Variants in EDEM1 observed in about 807,000 individuals in gnomAD.
EDEM1 encodes the protein ER degradation-enhancing alpha-mannosidase-like protein 1.
In EDEM1, 67 loss-of-function variants were observed where a neutral mutation model predicts 74.4. The ratio of observed to expected loss-of-function variants is 0.90; its 90% CI spans 0.74 to 1.10. EDEM1 has a LOEUF of 1.10. EDEM1 is among the 50% of genes least tolerant of loss of function. The pLI is 0.00. For missense variants in EDEM1, 926 were observed against 851.6 expected (o/e 1.09, Z -1.09); for synonymous variants, 382 against 335.9 (o/e 1.14, Z -1.50).
chr3:5,193,980 GAGACA>G (rs984824918), intron 1 of EDEM1, among the ~76,000 whole-genome samples: 20 of 152,360 alleles, frequency 1.3e-4, no homozygotes, highest in African/African-American at 4.6e-4. Flanking sequence ...CAAATAAAAT[GAGACA>G]TTGGAGCTGT....
intron 2 of EDEM1, among the ~76,000 whole-genome samples, chr3:5,196,802 T>C (rs1348548794): frequency 1.3e-5 from 2 of 152,212 alleles, no homozygotes; most frequent in African/African-American, 4.8e-5. Flanking sequence ...TTGTTGATGA[T>C]ACCAGAGGCT....
intron 2 of EDEM1, among the ~76,000 whole-genome samples, chr3:5,198,041 A>AT (rs921499742): frequency 1.3e-5 from 2 of 150,924 alleles, no homozygotes; most frequent in African/African-American, 4.9e-5. Context: ...AAATGGTTAC[A>AT]TTTTTTTTGT....
At position 5,218,163 on chromosome 3, in the gene EDEM1, C is replaced by T. The variant is rs1243881233; in HGVS notation, c.*2245C>T. The stretch of plus-strand genomic sequence containing the variant: ...TCAGGAAACGTGTTTTATGTTAAGT[C>T]ACAAACCCACTTGACTTCTGGGTAC... On this transcript the variant is annotated 3_prime_UTR_variant, in exon 12 of 12. Transcript: ENST00000256497. The T allele has an allele frequency of 1.3e-5, 2 of 152,128 alleles. No homozygotes were observed. Among genetic ancestry groups the T allele is most frequent in the Admixed American group, 6.5e-5 (1 of 15,276 alleles). 9.4% of individuals were successfully genotyped at this position (152,128 alleles called of 1,614,324 possible). A position where few individuals can be genotyped will look rare whatever the true frequency, so the allele number is the denominator to read the frequency against.
chr3:5,198,661 G>A lies in EDEM1; in HGVS notation c.583-931G>A, dbSNP rs1471715818. Among the ~76,000 whole-genome samples the A allele has an allele frequency of 1.1e-4, 11 of 101,610 alleles. 1 individual carries two copies. In the East Asian group the frequency reaches 2.1e-3, roughly 20 times the overall value. The allele number at this position is 101,610 out of a possible 152,430, so 66.7% of individuals were successfully genotyped here. ...AGGTAAATTGTAAGGGACGTATATA[G>A]CTTTTTTTTTTTTTTTTTTTTTTGA... On this transcript the variant is annotated intron_variant, in intron 2 of 11. Coordinates refer to ENST00000256497, the MANE Select transcript of EDEM1 (RefSeq NM_014674.3).
chr3:5,203,268 G>A (rs1361085596), intron 5 of EDEM1, 119 bp downstream of exon 5: 4 of 1,052,302 alleles, frequency 3.8e-6, no homozygotes, highest in Non-Finnish European at 5.3e-6. Context: ...AGCAAGAATT[G>A]TGTCAGCTCT....
At chr3:5,194,320 G>A (rs992877834) in intron 1 of EDEM1, among the ~76,000 whole-genome samples, 8 of 152,086 alleles carry the variant, frequency 5.3e-5, no homozygotes, top group African/African-American at 7.2e-5. Flanking sequence ...GGATTTTTGG[G>A]AATGGGACAA....
At chr3:5,198,089 G>A (rs1233164848) in intron 2 of EDEM1, among the ~76,000 whole-genome samples, 1 of 152,000 alleles carries the variant, frequency 6.6e-6, no homozygotes, top group African/African-American at 2.4e-5. Flanking sequence ...GTGTTGCCCA[G>A]GCTGGAGTGC....
chr3:5,193,787 A>G (rs1189846669), intron 1 of EDEM1, among the ~76,000 whole-genome samples: 2 of 152,180 alleles, frequency 1.3e-5, no homozygotes, highest in South Asian at 2.1e-4. Flanking sequence ...TAGTAGAGAC[A>G]GGGTCTTGCC....
chr3:5,210,151 C>A (rs756693328), intron 8 of EDEM1, 24 bp from the exon 9 acceptor site: 1 of 1,601,840 alleles, frequency 6.2e-7, no homozygotes, highest in Non-Finnish European at 8.6e-7. Context: ...CATGCTGGAT[C>A]ACATTCTCTC....
At chr3:5,208,912 A>T (rs1158541915) in intron 8 of EDEM1, among the ~76,000 whole-genome samples, 1 of 152,070 alleles carries the variant, frequency 6.6e-6, no homozygotes, top group Non-Finnish European at 1.5e-5. Context: ...TGTGTATGCC[A>T]TACATATATA....
rs569941341 is a variant in EDEM1 at position 5,210,157 on chromosome 3, C to G, written c.1510-18C>G. The G allele has an allele frequency of 2.5e-6, 4 of 1,609,522 alleles. No homozygotes were observed. The African/African-American group carries it at 4.0e-5, about 16-fold the overall frequency. ...TTCCAAGCCCATGCTGGATCACATTCTCTCGTGTTCTCTCTAGGCAACCAA... is the reference window on the plus strand; with the variant it reads ...TTCCAAGCCCATGCTGGATCACATTGTCTCGTGTTCTCTCTAGGCAACCAA... On this transcript the variant is annotated intron_variant, in intron 8 of 11. Coordinates refer to ENST00000256497, the MANE Select transcript of EDEM1 (RefSeq NM_014674.3).
chr3:5,190,867 T>A (rs182312107), intron 1 of EDEM1, among the ~76,000 whole-genome samples: 171 of 152,272 alleles, frequency 1.1e-3, no homozygotes, highest in Admixed American at 4.6e-3. Flanking sequence ...TGCTTTTTTT[T>A]AAATATTTTT....
chr3:5,216,109 G>A lies in EDEM1; in HGVS notation c.*191G>A, dbSNP rs1025093238. ...GTGTTTCTCTCCTGTTCAATAAAAT[G>A]CCCTGTTAAGGATATAATTTGAAGT... On this transcript the variant is annotated 3_prime_UTR_variant, in exon 12 of 12. Coordinates refer to ENST00000256497, the MANE Select transcript of EDEM1 (RefSeq NM_014674.3). 1 of 545,254 alleles carries A rather than the reference G, an allele frequency of 1.8e-6. No individual in the cohort carries two copies. Among genetic ancestry groups the A allele is most frequent in the African/African-American group, 2.0e-5 (1 of 50,836 alleles). 33.8% of individuals were successfully genotyped at this position (545,254 alleles called of 1,614,324 possible). A position where few individuals can be genotyped will look rare whatever the true frequency, so the allele number is the denominator to read the frequency against.
chr3:5,199,801 C>G, intron 3 of EDEM1, 106 bp downstream of exon 3: 1 of 810,142 alleles, frequency 1.2e-6, no homozygotes, highest in Non-Finnish European at 1.9e-6. Flanking sequence ...GGCAGGGAGT[C>G]CATATGGGCT....
At chr3:5,198,260 G>A (rs2054993886) in intron 2 of EDEM1, among the ~76,000 whole-genome samples, 1 of 152,160 alleles carries the variant, frequency 6.6e-6, no homozygotes. Flanking sequence ...TGTTGGCCAG[G>A]CTGGTTTTGA....
intron 5 of EDEM1, among the ~76,000 whole-genome samples, chr3:5,203,603 A>G (rs1314013239): frequency 6.6e-6 from 1 of 152,206 alleles, no homozygotes; most frequent in African/African-American, 2.4e-5. Context: ...TTTGGTGAAG[A>G]TGTTACTTAA....
chr3:5,187,990 G>T lies in EDEM1; in HGVS notation c.185G>T (p.Arg62Leu), dbSNP rs893956531. The change falls in exon 1 of 12, where the codon CGG becomes CTG. Residue 62 changes from arginine (R) to leucine (L), a missense_variant. Physicochemically the swap from Arg to Leu is moderately radical, Grantham distance 102 (BLOSUM62 -2). Transcript: ENST00000256497. ...TCGCCCACCTCGGGGCCCGTGGGCCGGCCTGGGGGGGTATCCGGGCCGTCG... is the reference window on the plus strand; with the variant it reads ...TCGCCCACCTCGGGGCCCGTGGGCCTGCCTGGGGGGGTATCCGGGCCGTCG... ...PASPTSGPVG[R>L]PGGVSGPSWL... 12 of 1,520,610 alleles carry T rather than the reference G, an allele frequency of 7.9e-6. No homozygotes were observed. Among genetic ancestry groups the T allele is most frequent in the Admixed American group, 4.2e-5 (2 of 47,504 alleles). 94.2% of individuals were successfully genotyped at this position (1,520,610 alleles called of 1,614,324 possible). A position where few individuals can be genotyped will look rare whatever the true frequency, so the allele number is the denominator to read the frequency against.
rs2055036151 is a variant in EDEM1 at position 5,201,647 on chromosome 3, G to A, written c.687-106G>A. Reference sequence around the variant, plus strand: ...AGTCAGGTCTCTCTGACGTCAGGCAGTTCTGAGTCTATGTGGATATGAACA... The same window carrying A: ...AGTCAGGTCTCTCTGACGTCAGGCAATTCTGAGTCTATGTGGATATGAACA... On this transcript the variant is annotated intron_variant, in intron 3 of 11. Transcript: ENST00000256497. 13 of 1,361,860 alleles carry A rather than the reference G, an allele frequency of 9.5e-6. No individual in the cohort carries two copies. In the Admixed American group the frequency reaches 1.1e-4, roughly 12 times the overall value. 84.4% of individuals were successfully genotyped at this position (1,361,860 alleles called of 1,614,324 possible). A position where few individuals can be genotyped will look rare whatever the true frequency, so the allele number is the denominator to read the frequency against.
chr3:5,188,480 C>CG, intron 1 of EDEM1, 166 bp downstream of exon 1: 1 of 758,974 alleles, frequency 1.3e-6, no homozygotes, highest in East Asian at 3.5e-5. Flanking sequence ...TGAAGACCCC[C>CG]GAGCTTGAGG....
Sources: gnomAD v4.1 joint callset for allele counts (sites outside exome capture counted in the v4.1 genomes callset) on GRCh38, gnomAD v4.1.1 for gene constraint, MANE v1.5 for transcripts, NCBI Gene and HGNC (gene_info 2026-07-23, HGNC 2026-07-21) for gene names.